Variants in ROCK2 observed in about 807,000 individuals in gnomAD.
ROCK2 encodes Rho associated coiled-coil containing protein kinase 2, also known as rho-associated protein kinase 2.
ROCK2 carries 61 observed loss-of-function variants against 195.1 expected under a neutral mutation model. The ratio of observed to expected loss-of-function variants is 0.31; its 90% confidence interval spans 0.25 to 0.39. The LOEUF (loss-of-function observed/expected upper bound fraction) is 0.39. Ranked by LOEUF, ROCK2 falls within the 10% of genes least tolerant of loss-of-function variation. ROCK2 has a pLI of 1.00. For missense variants in ROCK2, 1,109 were observed against 1,637.4 expected (o/e 0.68, Z 5.57); for synonymous variants, 504 against 545.5 (o/e 0.92, Z 1.06).
At chr2:11,198,169 T>C (rs1663709996) in intron 25 of ROCK2, among the ~76,000 whole-genome samples, 1 of 152,212 alleles carries the variant, frequency 6.6e-6, no homozygotes, top group Non-Finnish European at 1.5e-5. Context: ...GAGAGTGAAC[T>C]AACTGACACT....
At chr2:11,218,699 T>C (rs1664517139) in intron 10 of ROCK2, among the ~76,000 whole-genome samples, 1 of 152,230 alleles carries the variant, frequency 6.6e-6, no homozygotes, top group South Asian at 2.1e-4. Context: ...GTTATTATAG[T>C]TGTTTACAAA....
At chr2:11,247,417 G>C (rs988814526) in intron 4 of ROCK2, among the ~76,000 whole-genome samples, 12 of 152,180 alleles carry the variant, frequency 7.9e-5, no homozygotes, top group East Asian at 1.9e-4. Flanking sequence ...ATGGTGCATG[G>C]AATGTTGTTC....
In ROCK2 at chr2:11,192,358, T is replaced by A. The variant is rs773775703; in HGVS notation, c.3953A>T (p.Tyr1318Phe). The change falls in exon 32 of 33, where the codon TAT becomes TTT. Residue 1318 changes from tyrosine to phenylalanine, a missense_variant. Tyr to Phe is a conservative substitution (Grantham distance 22). Coordinates refer to ENST00000315872, the MANE Select transcript of ROCK2 (RefSeq NM_004850.5). This position sits in a 1 kb window ranked among gnomAD's most constrained non-coding sequence, Gnocchi z 5.0. The part of the protein sequence containing the change: ...KEEIIAPCKV[Y>F]YDISTAKNLL... ...ATTCTTTGCCGTTGAAATATCATAA[T>A]ATACTATAAAGAAAAATTAGAAAAA... The A allele has an allele frequency of 6.2e-7, 1 of 1,601,408 alleles. No individual in the cohort carries two copies. The highest frequency in any genetic ancestry group is 8.5e-7 in the Non-Finnish European group (1 of 1,175,066).
chr2:11,222,210 A>C (rs2148076755), intron 7 of ROCK2, 36 bp from the exon 8 acceptor site: 1 of 1,228,004 alleles, frequency 8.1e-7, no homozygotes. Context: ...TTATTTAAAA[A>C]TTATAAAATA....
intron 20 of ROCK2, among the ~76,000 whole-genome samples, chr2:11,204,546 T>A (rs1172814352): frequency 6.6e-6 from 1 of 152,224 alleles, no homozygotes; most frequent in African/African-American, 2.4e-5. Context: ...CTTGCTGGAA[T>A]TCTTATTCGC....
intron 4 of ROCK2, among the ~76,000 whole-genome samples, chr2:11,241,143 G>A (rs1665413919): frequency 6.6e-6 from 1 of 152,052 alleles, no homozygotes; most frequent in East Asian, 1.9e-4. Flanking sequence ...TAATCAAAAG[G>A]AATGAAATAT....
chr2:11,235,721 G>A lies in ROCK2; in HGVS notation c.704C>T (p.Thr235Met). ...HGHLKLADFGTCMKMDETGMV... is the reference protein window; with the variant it reads ...HGHLKLADFGMCMKMDETGMV... The stretch of plus-strand genomic sequence containing the variant: ...ACTTACTTCATCCATCTTCATACAC[G>A]TGCCAAAATCTGCTAATTTTAGATG... Residue 235 changes from threonine (T) to methionine (M), a missense_variant, in exon 5 of 33, where the codon ACG (threonine) becomes ATG (methionine). Transcript: ENST00000315872. The surrounding 1 kb of genome is among the most constrained non-coding windows in gnomAD (Gnocchi z 4.2). 3 of 1,609,754 alleles carry A rather than the reference G, an allele frequency of 1.9e-6. No homozygotes were observed. Among genetic ancestry groups the A allele is most frequent in the South Asian group, 1.1e-5 (1 of 90,184 alleles).
intron 3 of ROCK2, among the ~76,000 whole-genome samples, chr2:11,275,818 G>A (rs897530350): frequency 6.7e-6 from 1 of 149,700 alleles, no homozygotes; most frequent in African/African-American, 2.5e-5. Flanking sequence ...TCCTGCCTCA[G>A]CCTCCCTAGC....
At chr2:11,196,141 A>G (rs1243920331) in intron 27 of ROCK2, among the ~76,000 whole-genome samples, 3 of 152,212 alleles carry the variant, frequency 2.0e-5, no homozygotes, top group Non-Finnish European at 4.4e-5. Context: ...AATTTAGATG[A>G]GGAAACTGCA....
chr2:11,220,016 G>T (rs912864729), intron 9 of ROCK2, among the ~76,000 whole-genome samples: 1 of 138,668 alleles, frequency 7.2e-6, no homozygotes, highest in African/African-American at 2.5e-5. Context: ...TGGCTTTTTT[G>T]TTGTTGTTGT....
chr2:11,298,150 T>C (rs111397432), intron 1 of ROCK2, among the ~76,000 whole-genome samples: 11,524 of 152,030 alleles, frequency 0.076, 647 homozygotes, highest in African/African-American at 0.16. Context: ...TTTGGGTGCA[T>C]TGGATAATAA....
intron 30 of ROCK2, among the ~76,000 whole-genome samples, chr2:11,193,327 A>G (rs1358930158): frequency 2.0e-5 from 3 of 152,196 alleles, no homozygotes; most frequent in Non-Finnish European, 4.4e-5. Flanking sequence ...TGGTTTGACT[A>G]ATTTTAAAAT....
Position 11,222,075 on chromosome 2 carries a change from T to A in ROCK2, c.1099+8A>T. On this transcript the variant is annotated splice_region_variant and intron_variant, in intron 8 of 32. Coordinates refer to ENST00000315872, the MANE Select transcript of ROCK2 (RefSeq NM_004850.5). ...ATGGAATGAAAATATTTAGGTTTAT[T>A]GACTTACTTTCTCTTATGTTATCCC... is the stretch of plus-strand genomic sequence containing the variant. 1 of 1,531,944 alleles carries A rather than the reference T, an allele frequency of 6.5e-7. No individual in the cohort carries two copies. The highest frequency in any genetic ancestry group is 1.1e-5 in the South Asian group (1 of 88,816). 94.9% of individuals were successfully genotyped at this position (1,531,944 alleles called of 1,614,324 possible). A position where few individuals can be genotyped will look rare whatever the true frequency, so the allele number is the denominator to read the frequency against.
intron 1 of ROCK2, among the ~76,000 whole-genome samples, chr2:11,317,613 T>TATATATATATATATATA (rs1553317465): frequency 3.6e-3 from 72 of 20,276 alleles, no homozygotes; most frequent in Non-Finnish European, 4.2e-3. Context: ...TATATATATA[T>TATATATATATATATATA]TTTTTTTTTT....
intron 1 of ROCK2, among the ~76,000 whole-genome samples, chr2:11,318,657 T>C (rs1288705405): frequency 1.3e-5 from 2 of 152,210 alleles, no homozygotes; most frequent in South Asian, 2.1e-4. Flanking sequence ...TTTGGTGTTT[T>C]AGACATGAAG....
chr2:11,188,119 T>C (rs986891917), intron 32 of ROCK2, among the ~76,000 whole-genome samples: 3 of 148,346 alleles, frequency 2.0e-5, no homozygotes, highest in African/African-American at 5.0e-5. Context: ...TTTTTTTTTT[T>C]TTTTTTTGTG....
In ROCK2 at chr2:11,201,712, C is replaced by CA. The variant is rs918415562; in HGVS notation, c.2620-300dup. On this transcript the variant is annotated intron_variant, in intron 21 of 32. Transcript: ENST00000315872. The surrounding 1 kb of genome is among the most constrained non-coding windows in gnomAD (Gnocchi z 4.6). Reference sequence around the variant, plus strand: ...CAAGGAAAAACATTAACAATTTAGACAAAAAAATGTTATTGGCTTAAATCA... The same window carrying CA: ...CAAGGAAAAACATTAACAATTTAGACAAAAAAAATGTTATTGGCTTAAATCA... Among the ~76,000 whole-genome samples the CA allele has an allele frequency of 8.6e-5, 13 of 151,968 alleles. No homozygotes were observed. The highest frequency in any genetic ancestry group is 2.6e-4 in the Admixed American group (4 of 15,272).
At chr2:11,278,280 T>C (rs1459531478) in intron 3 of ROCK2, among the ~76,000 whole-genome samples, 2 of 152,220 alleles carry the variant, frequency 1.3e-5, no homozygotes, top group African/African-American at 4.8e-5. Flanking sequence ...CACTCAGCTT[T>C]TCTGGATTCC....
intron 3 of ROCK2, among the ~76,000 whole-genome samples, chr2:11,281,292 A>G (rs1358017233): frequency 6.6e-6 from 1 of 151,846 alleles, no homozygotes; most frequent in Non-Finnish European, 1.5e-5. Context: ...TCCACAGCTC[A>G]CTTCATGTTT....
Sources: allele counts gnomAD v4.1 joint callset (sites outside exome capture counted in the v4.1 genomes callset), GRCh38; gene constraint gnomAD v4.1.1; non-coding constraint Gnocchi (gnomAD v3.1); transcripts MANE v1.5; gene names NCBI Gene and HGNC (gene_info 2026-07-23, HGNC 2026-07-21).